The following ASPH variants were observed in gnomAD, a reference collection of about 807,000 sequenced individuals.
ASPH encodes aspartate beta-hydroxylase.
A neutral mutation model predicts 118.4 loss-of-function variants in ASPH; 100 were observed. The observed-to-expected ratio is 0.84, with a 90% CI of 0.72 to 1.00. The LOEUF is 1.00. Among genes scored for constraint, ASPH ranks in the 50% least tolerant of loss-of-function variants. The pLI is 0.00. For synonymous variants in ASPH, 315 were observed against 325.6 expected (o/e 0.97, Z 0.35); for missense variants, 920 against 919.5 (o/e 1.00, Z -0.01).
intron 1 of ASPH, among the ~76,000 whole-genome samples, chr8:61,703,122 C>T (rs1835683840): frequency 6.6e-6 from 1 of 152,168 alleles, no homozygotes; most frequent in Non-Finnish European, 1.5e-5. Context: ...AAATTCTCAA[C>T]CTAGAAATAC....
chr8:61,650,959 C>A lies in ASPH; in HGVS notation c.490+91G>T, dbSNP rs1810651944. 7 of 1,326,592 alleles carry A rather than the reference C, an allele frequency of 5.3e-6. No homozygotes were observed. The Admixed American group carries it at 6.8e-5, about 13-fold the overall frequency. The allele number at this position is 1,326,592 out of a possible 1,614,324, so 82.2% of individuals were successfully genotyped here. ...TTAAAAAACACAAACACCCAATTAA[C>A]CTTTAAATTTTAAAACAAATGTCCA... On this transcript the variant is annotated intron_variant, in intron 5 of 24. Transcript: ENST00000379454.
intron 21 of ASPH, among the ~76,000 whole-genome samples, chr8:61,539,283 G>A (rs986617973): frequency 8.5e-5 from 13 of 152,064 alleles, no homozygotes; most frequent in African/African-American, 3.1e-4. Flanking sequence ...GTTATCAGCG[G>A]TAGTTTTCTG....
Position 61,664,846 on chromosome 8 carries a change from C to T in ASPH, c.323-11186G>A, listed in dbSNP as rs1019101509. On this transcript the variant is annotated intron_variant, in intron 3 of 24. Transcript: ENST00000379454. ...GAAGGGGAAGGAGGGAAGAAAACAA[C>T]GAGCAAATCCATCTCCCTGAGTATT... is the stretch of plus-strand genomic sequence containing the variant. 1.6e-5 allele frequency: 16 copies of T among 989,956 alleles called. No individual in the cohort carries two copies. In the South Asian group the frequency reaches 4.2e-4, roughly 26 times the overall value. 61.3% of individuals were successfully genotyped at this position (989,956 alleles called of 1,614,324 possible). A position where few individuals can be genotyped will look rare whatever the true frequency, so the allele number is the denominator to read the frequency against.
intron 5 of ASPH, among the ~76,000 whole-genome samples, chr8:61,649,702 C>T (rs1809916431): frequency 6.6e-6 from 1 of 151,544 alleles, no homozygotes; most frequent in African/African-American, 2.4e-5. Flanking sequence ...TCTCTCCATC[C>T]CCTCCTTTGG....
intron 13 of ASPH, 26 bp from the exon 14 acceptor site, chr8:61,619,045 A>G (rs1382704999): frequency 2.6e-6 from 4 of 1,533,436 alleles, no homozygotes; most frequent in South Asian, 1.1e-5. Context: ...AAAACATAGT[A>G]AGTACTATGC....
intron 2 of ASPH, among the ~76,000 whole-genome samples, chr8:61,683,295 C>T (rs2882536): frequency 0.47 from 71,972 of 151,716 alleles, 17,288 homozygotes; most frequent in Middle Eastern, 0.52. Context: ...GAATTGTACA[C>T]ATTCAAATAT....
intron 14 of ASPH, among the ~76,000 whole-genome samples, chr8:61,613,576 A>G (rs894002819): frequency 2.6e-5 from 4 of 152,240 alleles, no homozygotes; most frequent in Admixed American, 6.5e-5. Flanking sequence ...ATCTGTAAGC[A>G]CAAGGCATCT....
chr8:61,663,373 T>C, intron 3 of ASPH: 1 of 985,340 alleles, frequency 1.0e-6, no homozygotes. Context: ...GAATTATCTC[T>C]CCCAGAGCCA....
intron 13 of ASPH, chr8:61,626,154 T>C: frequency 7.1e-6 from 9 of 1,270,296 alleles, no homozygotes; most frequent in Non-Finnish European, 9.0e-6. Context: ...TCTTTAGTGT[T>C]CCTTCCCAAA....
intron 12 of ASPH, among the ~76,000 whole-genome samples, chr8:61,637,004 T>C (rs1858122952): frequency 6.6e-6 from 1 of 152,150 alleles, no homozygotes; most frequent in Non-Finnish European, 1.5e-5. Context: ...GATTCCCTTA[T>C]ACCTATCTCC....
chr8:61,500,652 C>T lies in ASPH; in HGVS notation c.*2707G>A, dbSNP rs1056678065. On this transcript the variant is annotated 3_prime_UTR_variant, in exon 25 of 25. Coordinates refer to ENST00000379454, the MANE Select transcript of ASPH (RefSeq NM_004318.4). Reference sequence around the variant, plus strand: ...AATCAGACATAAAATAAACAGACATCATATATGATATCCTTACTTGTGCCA... The same window carrying T: ...AATCAGACATAAAATAAACAGACATTATATATGATATCCTTACTTGTGCCA... The T allele has an allele frequency of 3.9e-5, 6 of 152,076 alleles. No homozygotes were observed. The highest frequency in any genetic ancestry group is 1.4e-4 in the African/African-American group (6 of 41,410). 9.4% of individuals were successfully genotyped at this position (152,076 alleles called of 1,614,324 possible). A position where few individuals can be genotyped will look rare whatever the true frequency, so the allele number is the denominator to read the frequency against.
At chr8:61,711,655 A>G (rs1838092981) in intron 1 of ASPH, among the ~76,000 whole-genome samples, 1 of 148,430 alleles carries the variant, frequency 6.7e-6, no homozygotes, top group Non-Finnish European at 1.5e-5. Context: ...TTTGGCCAGG[A>G]AAAAAAAAAG....
intron 24 of ASPH, among the ~76,000 whole-genome samples, chr8:61,511,763 CCGGCTAATTTT>C (rs1479930621): frequency 3.3e-5 from 5 of 152,108 alleles, no homozygotes; most frequent in Non-Finnish European, 7.3e-5. Flanking sequence ...GCCACCATGC[CCGGCTAATTTT>C]TGTATTTTTA....
chr8:61,642,331 G>T (rs2150960855), intron 10 of ASPH, among the ~76,000 whole-genome samples: 1 of 152,340 alleles, frequency 6.6e-6, no homozygotes, highest in African/African-American at 2.4e-5. Context: ...AAAGTACTGA[G>T]ATTGGTTTTC....
chr8:61,536,189 G>A (rs189541344), intron 21 of ASPH, among the ~76,000 whole-genome samples: 28 of 151,926 alleles, frequency 1.8e-4, no homozygotes, highest in African/African-American at 5.8e-4. Context: ...ACAGGTGCCC[G>A]CCACCATGCC....
At position 61,576,777 on chromosome 8, in the gene ASPH, C is replaced by G. The variant is rs111548396; in HGVS notation, c.1144G>C (p.Ala382Pro). ...GGAGAAGGGTCTCAGAATACCTGCG[C>G]CTTCCCATATCTTGCTCGTGGACTC... Reference protein sequence around the residue: ...PQSPRARYGKAQCEDDLAEKR... With the variant: ...PQSPRARYGKPQCEDDLAEKR... Residue 382 changes from alanine (A) to proline (P), a missense_variant, in exon 16 of 25, where the codon GCG becomes CCG. Ala to Pro is a conservative substitution (Grantham distance 27, BLOSUM62 -1). Transcript: ENST00000379454. 6.2e-7 allele frequency: 1 copy of G among 1,607,620 alleles called. No homozygotes were observed.
At chr8:61,674,457 G>A (rs1320640936) in intron 3 of ASPH, among the ~76,000 whole-genome samples, 2 of 152,166 alleles carry the variant, frequency 1.3e-5, no homozygotes, top group Non-Finnish European at 2.9e-5. Context: ...AAACATATTT[G>A]CCCATTAGTG....
chr8:61,665,198 A>C, intron 3 of ASPH: 2 of 1,521,590 alleles, frequency 1.3e-6, no homozygotes, highest in Non-Finnish European at 8.8e-7. Context: ...GCTTTTTTGT[A>C]ACAAACTGCA....
At chr8:61,567,353 T>C (rs752546335) in intron 16 of ASPH, 35 bp from the exon 17 acceptor site, 1 of 1,577,816 alleles carries the variant, frequency 6.3e-7, no homozygotes, top group Non-Finnish European at 8.6e-7. Flanking sequence ...AAATGTCCCA[T>C]GACTAGCTGT....
Sources: allele counts gnomAD v4.1 joint callset (sites outside exome capture counted in the v4.1 genomes callset), GRCh38; gene constraint gnomAD v4.1.1; transcripts MANE v1.5; gene names NCBI Gene and HGNC (gene_info 2026-07-23, HGNC 2026-07-21).